FUT9: variants seen among roughly 807,000 people sequenced by gnomAD.
The protein encoded by FUT9 is 4-galactosyl-N-acetylglucosaminide 3-alpha-L-fucosyltransferase 9.
A neutral mutation model predicts 29.7 loss-of-function variants in FUT9; 15 were observed. The observed-to-expected ratio is 0.51, with a 90% CI of 0.34 to 0.78. The LOEUF is 0.78. Ranked by LOEUF, FUT9 falls within the 30% of genes least tolerant of loss-of-function variation. FUT9 has a pLI of 0.01. For synonymous variants in FUT9, 169 were observed against 153.7 expected (o/e 1.10, Z -0.74); for missense variants, 319 against 425.4 (o/e 0.75, Z 2.20).
chr6:96,127,356 C>T (rs190365894), intron 2 of FUT9, among the ~76,000 whole-genome samples: 18 of 152,226 alleles, frequency 1.2e-4, no homozygotes, highest in South Asian at 2.1e-4. Context: ...CATGTTGCTG[C>T]GAAGTATGTA....
intron 2 of FUT9, among the ~76,000 whole-genome samples, chr6:96,132,575 G>C (rs1176296862): frequency 1.3e-5 from 2 of 152,064 alleles, no homozygotes; most frequent in East Asian, 3.9e-4. Flanking sequence ...CACCAAAAGA[G>C]AAAGGGCGAC....
chr6:96,073,710 T>C (rs1771100454), intron 1 of FUT9, among the ~76,000 whole-genome samples: 1 of 152,074 alleles, frequency 6.6e-6, no homozygotes. Context: ...ACAGAAACAT[T>C]AAAGGCGCGA....
At chr6:96,159,845 A>C (rs1446606585) in intron 2 of FUT9, among the ~76,000 whole-genome samples, 1 of 152,182 alleles carries the variant, frequency 6.6e-6, no homozygotes, top group Non-Finnish European at 1.5e-5. Flanking sequence ...GTCTTGATAA[A>C]CTGCATCACT....
chr6:96,029,473 T>A (rs1319325497), intron 1 of FUT9, among the ~76,000 whole-genome samples: 1 of 151,462 alleles, frequency 6.6e-6, no homozygotes, highest in African/African-American at 2.4e-5. Flanking sequence ...GCATCCCACA[T>A]CCTAAGCACA....
chr6:96,085,526 T>C (rs1440054268), intron 1 of FUT9, among the ~76,000 whole-genome samples: 2 of 152,184 alleles, frequency 1.3e-5, no homozygotes, highest in African/African-American at 2.4e-5. Context: ...TTCAACATTT[T>C]TGGAGGACAC....
At chr6:96,092,590 A>T (rs4240595) in intron 1 of FUT9, among the ~76,000 whole-genome samples, 103,183 of 151,916 alleles carry the variant, frequency 0.68, 36,681 homozygotes, top group East Asian at 0.84. Context: ...TTCTTCATTC[A>T]TACACTTGAA....
intron 1 of FUT9, among the ~76,000 whole-genome samples, chr6:96,051,184 A>C (rs896627104): frequency 3.3e-5 from 5 of 152,124 alleles, no homozygotes; most frequent in African/African-American, 1.2e-4. Flanking sequence ...ATTATATACT[A>C]TATATTATAC....
chr6:96,023,211 G>C (rs773648523), intron 1 of FUT9, among the ~76,000 whole-genome samples: 19 of 152,004 alleles, frequency 1.2e-4, no homozygotes, highest in Non-Finnish European at 2.4e-4. Flanking sequence ...TGGGGATGAA[G>C]AGACAGCAGT....
At chr6:96,091,192 T>C (rs1355215504) in intron 1 of FUT9, among the ~76,000 whole-genome samples, 1 of 152,062 alleles carries the variant, frequency 6.6e-6, no homozygotes, top group Non-Finnish European at 1.5e-5. Context: ...TTGACTCTCA[T>C]GCAAATAAAA....
chr6:96,193,560 C>T (rs74915825), intron 2 of FUT9, among the ~76,000 whole-genome samples: 26,606 of 151,578 alleles, frequency 0.18, 2,647 homozygotes, highest in Admixed American at 0.25. Context: ...ACAACAAGTG[C>T]TGGCGAGGAT....
intron 1 of FUT9, among the ~76,000 whole-genome samples, chr6:96,035,238 A>C (rs1019112927): frequency 3.3e-5 from 5 of 151,524 alleles, no homozygotes; most frequent in African/African-American, 9.7e-5. Context: ...ATGAAGAGAG[A>C]AGGACAAAGT....
In FUT9 at chr6:96,204,341, T is replaced by G. The variant is rs1230929429; in HGVS notation, c.*106T>G. Reference sequence around the variant, plus strand: ...ACTACTTTTGTGTCACAATTTATTTTTATCACCCTCTCTAGGGTAACGTGT... The same window carrying G: ...ACTACTTTTGTGTCACAATTTATTTGTATCACCCTCTCTAGGGTAACGTGT... On this transcript the variant is annotated 3_prime_UTR_variant, in exon 3 of 3. Transcript: ENST00000302103. 1 of 767,960 alleles carries G rather than the reference T, an allele frequency of 1.3e-6. No homozygotes were observed. The highest frequency in any genetic ancestry group is 1.8e-5 in the African/African-American group (1 of 56,314). The allele number at this position is 767,960 out of a possible 1,614,324, so 47.6% of individuals were successfully genotyped here.
At chr6:96,139,952 A>G (rs1478179837) in intron 2 of FUT9, among the ~76,000 whole-genome samples, 3 of 152,170 alleles carry the variant, frequency 2.0e-5, no homozygotes, top group Non-Finnish European at 4.4e-5. Flanking sequence ...ACTTATGCAA[A>G]TTTATACAGC....
chr6:96,071,428 T>C (rs1218305505), intron 1 of FUT9, among the ~76,000 whole-genome samples: 1 of 152,228 alleles, frequency 6.6e-6, no homozygotes, highest in South Asian at 2.1e-4. Flanking sequence ...TTTATAACAA[T>C]GTTTACACAT....
At chr6:96,062,165 T>C (rs1177090420) in intron 1 of FUT9, among the ~76,000 whole-genome samples, 1 of 152,056 alleles carries the variant, frequency 6.6e-6, no homozygotes, top group Non-Finnish European at 1.5e-5. Context: ...GTTCTGCATG[T>C]GTATCTCAGA....
At chr6:96,053,490 T>G (rs953381147) in intron 1 of FUT9, among the ~76,000 whole-genome samples, 1 of 152,068 alleles carries the variant, frequency 6.6e-6, no homozygotes, top group Non-Finnish European at 1.5e-5. Flanking sequence ...AGGTGGATTA[T>G]GAGGTCAGGA....
intron 2 of FUT9, among the ~76,000 whole-genome samples, chr6:96,181,817 C>T (rs1398058835): frequency 6.6e-6 from 1 of 151,970 alleles, no homozygotes; most frequent in East Asian, 1.9e-4. Context: ...GTTTCTTTAT[C>T]CACTCCTTGA....
At position 96,209,941 on chromosome 6, in the gene FUT9, C is replaced by T. The variant is rs1338665737; in HGVS notation, c.*5706C>T. On this transcript the variant is annotated 3_prime_UTR_variant, in exon 3 of 3. Transcript: ENST00000302103. ...ATACATTTCCAAAATTATCCTGTTT[C>T]TGCTATAACTGGTGAACCATCCTGT... The T allele has an allele frequency of 6.0e-6, 1 of 166,814 alleles. No individual in the cohort carries two copies. Among genetic ancestry groups the T allele is most frequent in the Non-Finnish European group, 1.5e-5 (1 of 68,056 alleles). The allele number at this position is 166,814 out of a possible 1,614,324, so 10.3% of individuals were successfully genotyped here.
At chr6:96,157,008 G>T (rs551494325) in intron 2 of FUT9, among the ~76,000 whole-genome samples, 2 of 152,160 alleles carry the variant, frequency 1.3e-5, no homozygotes, top group Admixed American at 1.3e-4. Flanking sequence ...AATTTGTGTT[G>T]GTTCTTTGTT....
Sources: gnomAD v4.1 joint callset for allele counts (sites outside exome capture counted in the v4.1 genomes callset) on GRCh38, gnomAD v4.1.1 for gene constraint, MANE v1.5 for transcripts, NCBI Gene and HGNC (gene_info 2026-07-23, HGNC 2026-07-21) for gene names.